TNC: variants seen among roughly 807,000 people sequenced by gnomAD.
TNC encodes tenascin.
Under a neutral mutation model 202.4 loss-of-function variants are expected in TNC, and 109 were observed. That is an observed-to-expected ratio of 0.54 (90% CI 0.46 to 0.63). TNC has a LOEUF of 0.63. Among genes scored for constraint, TNC ranks in the 30% least tolerant of loss-of-function variants. The pLI is 0.00. For missense variants in TNC, 2,756 were observed against 2,833.3 expected (o/e 0.97, Z 0.62); for synonymous variants, 1,007 against 1,089.7 (o/e 0.92, Z 1.50).
In TNC at chr9:115,063,237, C is replaced by A. The variant is rs375647582; in HGVS notation, c.3761-48G>T. On this transcript the variant is annotated intron_variant, in intron 12 of 27. Transcript: ENST00000350763. The stretch of plus-strand genomic sequence containing the variant: ...TGAGTTACTTAAAAAGGCAATTGCA[C>A]GCTGGGATTCAGGTGAGATGGCATT... 10 of 1,595,676 alleles carry A rather than the reference C, an allele frequency of 6.3e-6. No homozygotes were observed. The South Asian group carries it at 1.0e-4, about 16-fold the overall frequency.
At chr9:115,096,154 C>G (rs1835772488) in intron 1 of TNC, among the ~76,000 whole-genome samples, 1 of 152,132 alleles carries the variant, frequency 6.6e-6, no homozygotes. Context: ...CTGTGTATCT[C>G]CATCCCTGTC....
At chr9:115,097,423 GA>G (rs1460208061) in intron 1 of TNC, among the ~76,000 whole-genome samples, 1 of 152,170 alleles carries the variant, frequency 6.6e-6, no homozygotes, top group Non-Finnish European at 1.5e-5. Context: ...AGATCAGAAA[GA>G]AAACCTTGTA....
At position 115,021,216 on chromosome 9, in the gene TNC, C is replaced by T; in HGVS notation, c.6547G>A (p.Glu2183Lys). 1 of 1,613,734 alleles carries T rather than the reference C, an allele frequency of 6.2e-7. No homozygotes were observed. Among genetic ancestry groups the T allele is most frequent in the Middle Eastern group, 1.7e-4 (1 of 6,056 alleles). The change falls in exon 28 of 28, where the codon GAG becomes AAG. Residue 2183 changes from glutamate (E) to lysine (K), a missense_variant. Physicochemically the swap from Glu to Lys is moderately conservative, Grantham distance 56. Around this residue, in one of 2 missense-constraint regions of TNC, gnomAD observed 197 missense variants for 287.3 expected, o/e 0.69. Transcript: ENST00000350763. ...KGHEHSIQFA[E>K]MKLRPSNFRN... ...AAGTTGCTTGGTCTCAGCTTCATCTCAGCAAACTGGATTGAGTGTTCGTGG... is the reference window on the plus strand; with the variant it reads ...AAGTTGCTTGGTCTCAGCTTCATCTTAGCAAACTGGATTGAGTGTTCGTGG...
intron 6 of TNC, among the ~76,000 whole-genome samples, chr9:115,079,287 A>G (rs570760349): frequency 6.6e-6 from 1 of 151,980 alleles, no homozygotes; most frequent in Non-Finnish European, 1.5e-5. Flanking sequence ...AAGTGACAGG[A>G]AGTGGGCTTT....
At chr9:115,022,029 T>A (rs945289648) in intron 27 of TNC, among the ~76,000 whole-genome samples, 3 of 152,236 alleles carry the variant, frequency 2.0e-5, no homozygotes, top group Non-Finnish European at 4.4e-5. Context: ...AAAAACTGTA[T>A]CTGTGTCTTG....
At chr9:115,108,149 T>C (rs1836757207) in intron 1 of TNC, among the ~76,000 whole-genome samples, 1 of 152,196 alleles carries the variant, frequency 6.6e-6, no homozygotes, top group Non-Finnish European at 1.5e-5. Flanking sequence ...TTCCTGGGCA[T>C]GCCTATTTTG....
chr9:115,067,544 G>A (rs767711494), intron 10 of TNC, among the ~76,000 whole-genome samples: 4 of 150,024 alleles, frequency 2.7e-5, no homozygotes, highest in East Asian at 3.9e-4. Context: ...GTTACCTTAC[G>A]GGGGGTGGGG....
At chr9:115,095,957 G>C (rs993560404) in intron 1 of TNC, among the ~76,000 whole-genome samples, 7 of 151,934 alleles carry the variant, frequency 4.6e-5, no homozygotes, top group Admixed American at 4.6e-4. Context: ...GCAGATTTTT[G>C]GGGTCCCATA....
In TNC at chr9:115,031,680, G is replaced by T; in HGVS notation, c.5793C>A (p.Val1931=). 1 of 1,608,838 alleles carries T rather than the reference G, an allele frequency of 6.2e-7. No individual in the cohort carries two copies. Among genetic ancestry groups the T allele is most frequent in the Non-Finnish European group, 8.5e-7 (1 of 1,178,018 alleles). ...YESVDGTVKE[V]IVGPDTTSYS... ...AGGAGGTGGTATCTGGACCCACAAT[G>T]ACTTCCTAAGAGCAGAAGAAAAAGT... Residue 1931 remains valine (V), a synonymous_variant, in exon 23 of 28, where the codon GTC becomes GTA. Transcript: ENST00000350763.
intron 17 of TNC, 142 bp downstream of exon 17, chr9:115,046,268 G>T: frequency 1.0e-6 from 1 of 998,692 alleles, no homozygotes; most frequent in Non-Finnish European, 1.5e-6. Flanking sequence ...AATTGTCCAA[G>T]GTAACACAGT....
At chr9:115,075,560 G>A (rs1199686227) in intron 9 of TNC, among the ~76,000 whole-genome samples, 8 of 152,170 alleles carry the variant, frequency 5.3e-5, no homozygotes, top group Admixed American at 4.6e-4. Context: ...GCCGAGGTGG[G>A]CGGATCATGA....
intron 15 of TNC, 70 bp from the exon 16 acceptor site, chr9:115,048,602 C>T (rs1831397464): frequency 1.4e-6 from 2 of 1,446,644 alleles, no homozygotes; most frequent in South Asian, 2.7e-5. Context: ...CACACGTTTC[C>T]AAGAACACCA....
chr9:115,088,794 G>T (rs915927227), intron 2 of TNC, among the ~76,000 whole-genome samples: 1 of 151,766 alleles, frequency 6.6e-6, no homozygotes, highest in Non-Finnish European at 1.5e-5. Context: ...TTGAAACGTG[G>T]CTAGTCTAAA....
In TNC at chr9:115,086,251, C is replaced by G; in HGVS notation, c.1480G>C (p.Glu494Gln). 1 of 1,614,200 alleles carries G rather than the reference C, an allele frequency of 6.2e-7. No homozygotes were observed. The highest frequency in any genetic ancestry group is 8.5e-7 in the Non-Finnish European group (1 of 1,180,036). The part of the protein sequence containing the change: ...MCVCDDGYTG[E>Q]DCRDRQCPRD... ...GGGCATTGGCGATCCCGGCAGTCTTCCCCTGTGTAGCCGTCATCACAAACA... is the reference window on the plus strand; with the variant it reads ...GGGCATTGGCGATCCCGGCAGTCTTGCCCTGTGTAGCCGTCATCACAAACA... Residue 494 changes from glutamate to glutamine, a missense_variant, in exon 3 of 28, where the codon GAA becomes CAA. Glu to Gln is a conservative substitution (Grantham distance 29). Transcript: ENST00000350763.
chr9:115,085,189 T>C (rs970030218), intron 3 of TNC, among the ~76,000 whole-genome samples: 1 of 152,098 alleles, frequency 6.6e-6, no homozygotes, highest in African/African-American at 2.4e-5. Context: ...ATGTACCAGG[T>C]CCCATACTAA....
At chr9:115,092,187 G>T (rs1385779986) in intron 1 of TNC, among the ~76,000 whole-genome samples, 1 of 152,144 alleles carries the variant, frequency 6.6e-6, no homozygotes, top group Non-Finnish European at 1.5e-5. Context: ...AAAAAGGAAT[G>T]GTCAAGAGAA....
At chr9:115,064,347 C>A (rs1411694584) in intron 11 of TNC, among the ~76,000 whole-genome samples, 1 of 152,114 alleles carries the variant, frequency 6.6e-6, no homozygotes. Flanking sequence ...ATATATAGTG[C>A]CTTAACGTCC....
chr9:115,117,378 A>G (rs1196111346), intron 1 of TNC, among the ~76,000 whole-genome samples: 2 of 152,098 alleles, frequency 1.3e-5, no homozygotes, highest in South Asian at 2.1e-4. Context: ...GCTGTTCTCC[A>G]CCACTCTCTA....
intron 2 of TNC, among the ~76,000 whole-genome samples, chr9:115,090,358 G>A (rs951210499): frequency 6.6e-6 from 1 of 152,202 alleles, no homozygotes; most frequent in Non-Finnish European, 1.5e-5. Context: ...CCTCTGAGAA[G>A]CAGTTGTCGC....
Sources: allele counts gnomAD v4.1 joint callset (sites outside exome capture counted in the v4.1 genomes callset), GRCh38; gene constraint gnomAD v4.1.1; regional missense constraint gnomAD v4.1.1; transcripts MANE v1.5; gene names NCBI Gene and HGNC (gene_info 2026-07-23, HGNC 2026-07-21).